The following PCDHGA9 variants were observed in gnomAD, a reference collection of about 807,000 sequenced individuals.
PCDHGA9 encodes the protein protocadherin gamma subfamily A, 9.
Under a neutral mutation model 62.5 loss-of-function variants are expected in PCDHGA9, and 37 were observed. That is an observed-to-expected ratio of 0.59 (90% CI 0.46 to 0.78). The LOEUF (loss-of-function observed/expected upper bound fraction) is 0.78, where lower values mean the gene tolerates loss of function less well. PCDHGA9 is among the 30% of genes least tolerant of loss of function. The pLI is 0.00. For missense variants in PCDHGA9, 1,138 were observed against 1,166.2 expected (o/e 0.98, Z 0.35); for synonymous variants, 459 against 484.6 (o/e 0.95, Z 0.69).
At chr5:141,426,010 C>T (rs2096909211) in intron 1 of PCDHGA9, among the ~76,000 whole-genome samples, 1 of 152,178 alleles carries the variant, frequency 6.6e-6, no homozygotes, top group Non-Finnish European at 1.5e-5. Flanking sequence ...CTTCCGGCTG[C>T]AGTTTTCTAA....
At chr5:141,419,139 G>C in intron 1 of PCDHGA9, 1 of 1,613,916 alleles carries the variant, frequency 6.2e-7, no homozygotes, top group South Asian at 1.1e-5. Flanking sequence ...GCCACAGACA[G>C]GGGCAAGCCT....
chr5:141,431,879 C>T lies in PCDHGA9; in HGVS notation c.2424+26503C>T. 1 of 1,614,162 alleles carries T rather than the reference C, an allele frequency of 6.2e-7. No individual in the cohort carries two copies. The highest frequency in any genetic ancestry group is 8.5e-7 in the Non-Finnish European group (1 of 1,179,970). ...AATTGCCCTTTTAAATGTAAATGAC[C>T]AAGATTCTGAGGAAAACGGACAGGT... On this transcript the variant is annotated intron_variant, in intron 1 of 3. Coordinates refer to ENST00000573521, the MANE Select transcript of PCDHGA9 (RefSeq NM_018921.3). The surrounding 1 kb of genome is among the most constrained non-coding windows in gnomAD (Gnocchi z 4.8).
chr5:141,449,588 CAAAAAA>C (rs768743917), intron 1 of PCDHGA9, among the ~76,000 whole-genome samples: 1 of 57,492 alleles, frequency 1.7e-5, no homozygotes, highest in Admixed American at 1.8e-4. Flanking sequence ...GACTCTGTCT[CAAAAAA>C]AAAAAAAAAA....
intron 1 of PCDHGA9, among the ~76,000 whole-genome samples, chr5:141,473,033 G>A (rs1199215390): frequency 1.4e-5 from 2 of 146,282 alleles, no homozygotes. Flanking sequence ...AAGGAAGGAA[G>A]GAAAGAAAGA....
intron 1 of PCDHGA9, among the ~76,000 whole-genome samples, chr5:141,436,320 G>A (rs1158221950): frequency 6.6e-6 from 1 of 152,120 alleles, no homozygotes; most frequent in African/African-American, 2.4e-5. Flanking sequence ...AGTCAAGACT[G>A]TTAGACCATA....
In PCDHGA9 at chr5:141,505,496, T is replaced by C; in HGVS notation, c.2572+15T>C. 6.2e-7 allele frequency: 1 copy of C among 1,614,148 alleles called. No homozygotes were observed. The highest frequency in any genetic ancestry group is 8.5e-7 in the Non-Finnish European group (1 of 1,180,004). ...GTCCGCCAGTGGTAAGTGGTGTCAGTGTGTGTATGGAAGAGTGGGAGACCT... is the reference window on the plus strand; with the variant it reads ...GTCCGCCAGTGGTAAGTGGTGTCAGCGTGTGTATGGAAGAGTGGGAGACCT... On this transcript the variant is annotated intron_variant, in intron 3 of 3. Transcript: ENST00000573521.
intron 1 of PCDHGA9, chr5:141,408,653 C>T (rs1589679123): frequency 6.2e-7 from 1 of 1,613,982 alleles, no homozygotes; most frequent in African/African-American, 1.3e-5. Context: ...CGCTGGTACA[C>T]GACTATCGCT....
intron 1 of PCDHGA9, among the ~76,000 whole-genome samples, chr5:141,482,791 G>T (rs1039924143): frequency 2.6e-5 from 4 of 152,168 alleles, no homozygotes; most frequent in African/African-American, 9.7e-5. Flanking sequence ...TGTGTGTGTG[G>T]CCGGGTACGG....
intron 1 of PCDHGA9, chr5:141,423,757 G>T (rs562479446): frequency 7.3e-5 from 29 of 395,130 alleles, no homozygotes; most frequent in Non-Finnish European, 9.5e-5. Flanking sequence ...GTTTGGGGGG[G>T]GGGTGGGGCG....
chr5:141,487,006 G>A lies in PCDHGA9; in HGVS notation c.2425-7801G>A. ...ATGCTTGGGTTTCCTATCAGCTCCT[G>A]GAGGCCCCAGATCCCAGCCTGTTTG... On this transcript the variant is annotated intron_variant, in intron 1 of 3. Transcript: ENST00000573521. This position sits in a 1 kb window ranked among gnomAD's most constrained non-coding sequence, Gnocchi z 5.0. 1 of 1,614,206 alleles carries A rather than the reference G, an allele frequency of 6.2e-7. No homozygotes were observed. The highest frequency in any genetic ancestry group is 8.5e-7 in the Non-Finnish European group (1 of 1,180,042).
chr5:141,491,537 C>T lies in PCDHGA9; in HGVS notation c.2425-3270C>T, dbSNP rs1330469043. The T allele has an allele frequency of 3.1e-6, 5 of 1,613,908 alleles. No homozygotes were observed. The highest frequency in any genetic ancestry group is 4.2e-6 in the Non-Finnish European group (5 of 1,180,020). On this transcript the variant is annotated intron_variant, in intron 1 of 3. Transcript: ENST00000573521. This position sits in a 1 kb window ranked among gnomAD's most constrained non-coding sequence, Gnocchi z 6.9. ...AAGTACATGGAGGTGACGCTGCGGC[C>T]CACAGACTCGCAGAGCCACTGCTAC...
intron 1 of PCDHGA9, chr5:141,418,077 T>C (rs770464447): frequency 6.8e-6 from 11 of 1,613,914 alleles, no homozygotes; most frequent in Non-Finnish European, 8.5e-6. Flanking sequence ...GCGGAGAAGC[T>C]GCACTTCAGC....
intron 1 of PCDHGA9, among the ~76,000 whole-genome samples, chr5:141,492,409 C>G (rs1367119266): frequency 6.6e-6 from 1 of 152,230 alleles, no homozygotes; most frequent in Non-Finnish European, 1.5e-5. Flanking sequence ...TCCCCTCTGC[C>G]GCTCCCTCCG....
At chr5:141,406,567 T>A (rs1270084196) in intron 1 of PCDHGA9, among the ~76,000 whole-genome samples, 2 of 152,224 alleles carry the variant, frequency 1.3e-5, no homozygotes, top group African/African-American at 4.8e-5. Context: ...TTCCAAACCC[T>A]AGTAAACCAA....
rs71583649 is a variant in PCDHGA9, at chr5:141,491,361, C to A, written c.2425-3446C>A. On this transcript the variant is annotated intron_variant, in intron 1 of 3. Transcript: ENST00000573521. The surrounding 1 kb of genome is among the most constrained non-coding windows in gnomAD (Gnocchi z 6.9). The stretch of plus-strand genomic sequence containing the variant: ...CGACCGTCAGTCTCTTATCCCTAGT[C>A]ACCTTCACCTTTCTGTCAGCGAAGT... 1.0e-3 allele frequency: 1,614 copies of A among 1,614,132 alleles called. 5 individuals carry two copies. The highest frequency in any genetic ancestry group is 5.1e-3 in the Middle Eastern group (31 of 6,062).
chr5:141,405,141 A>G lies in PCDHGA9; in HGVS notation c.2189A>G (p.Asp730Gly), dbSNP rs749502643. Residue 730 changes from aspartate (D) to glycine (G), a missense_variant, in exon 1 of 4, where the codon GAT becomes GGT. By Grantham distance (94) the Asp-to-Gly change is moderately conservative. Coordinates refer to ENST00000573521, the MANE Select transcript of PCDHGA9 (RefSeq NM_018921.3). ...HSSHLLRATS[D>G]GLAGVPTSHF... ...TCGCATCTGCTGCGGGCTACCAGTG[A>G]TGGGTTGGCTGGTGTGCCCACCTCA... 6.2e-7 allele frequency: 1 copy of G among 1,613,980 alleles called. No homozygotes were observed. Among genetic ancestry groups the G allele is most frequent in the South Asian group, 1.1e-5 (1 of 91,082 alleles).
chr5:141,414,124 G>C, intron 1 of PCDHGA9: 1 of 1,592,872 alleles, frequency 6.3e-7, no homozygotes, highest in Non-Finnish European at 8.6e-7. Context: ...TGAAGAAACC[G>C]GTTTCTATGA....
rs777990962 is a variant in PCDHGA9, at chr5:141,431,580, A to T, written c.2424+26204A>T. ...GCTACCGACCCTGACGAAGGAGTCA[A>T]TGCGGAAGTGAGGTATTCCTTCCGG... is the stretch of plus-strand genomic sequence containing the variant. On this transcript the variant is annotated intron_variant, in intron 1 of 3. Coordinates refer to ENST00000573521, the MANE Select transcript of PCDHGA9 (RefSeq NM_018921.3). The surrounding 1 kb of genome is among the most constrained non-coding windows in gnomAD (Gnocchi z 4.8). The T allele has an allele frequency of 6.2e-7, 1 of 1,614,216 alleles. No individual in the cohort carries two copies.
At chr5:141,463,738 G>C (rs1002263384) in intron 1 of PCDHGA9, among the ~76,000 whole-genome samples, 1 of 151,978 alleles carries the variant, frequency 6.6e-6, no homozygotes, top group East Asian at 1.9e-4. Flanking sequence ...GAGCCACCGC[G>C]CCCGGCCTGC....
Sources: allele counts gnomAD v4.1 joint callset (sites outside exome capture counted in the v4.1 genomes callset), GRCh38; gene constraint gnomAD v4.1.1; non-coding constraint Gnocchi (gnomAD v3.1); transcripts MANE v1.5; gene names NCBI Gene and HGNC (gene_info 2026-07-23, HGNC 2026-07-21).